The following TET1 variants were observed in gnomAD, a reference collection of about 807,000 sequenced individuals.
TET1 encodes the protein methylcytosine dioxygenase TET1.
TET1 carries 13 observed loss-of-function variants against 148.7 expected under a neutral mutation model. That is an observed-to-expected ratio of 0.09 (90% CI 0.06 to 0.14). The LOEUF is 0.14. Among genes scored for constraint, TET1 ranks in the 10% least tolerant of loss-of-function variants. TET1 has a pLI of 1.00. For synonymous variants in TET1, 907 were observed against 937.2 expected, an observed-to-expected ratio of 0.97 and a Z score of 0.59; for missense variants, 2,182 against 2,553.8, an observed-to-expected ratio of 0.85 and a Z score of 3.14.
At chr10:68,688,349 C>T (rs144429276) in intron 11 of TET1, among the ~76,000 whole-genome samples, 1,948 of 151,874 alleles carry the variant, frequency 0.013, 41 homozygotes, top group African/African-American at 0.044. Context: ...CCACCCGCCT[C>T]GGCCTCACAA....
intron 3 of TET1, among the ~76,000 whole-genome samples, chr10:68,615,251 C>A (rs1036240385): frequency 1.3e-5 from 2 of 151,832 alleles, no homozygotes; most frequent in African/African-American, 4.8e-5. Flanking sequence ...CACAGTATTC[C>A]CTTATACCCT....
At chr10:68,658,794 G>GTA (rs1322126014) in intron 6 of TET1, among the ~76,000 whole-genome samples, 3 of 152,128 alleles carry the variant, frequency 2.0e-5, no homozygotes, top group Non-Finnish European at 4.4e-5. Context: ...CTTGAACCTA[G>GTA]GAGGCAGAGG....
chr10:68,630,168 G>A (rs768014511), intron 3 of TET1, among the ~76,000 whole-genome samples: 7 of 152,206 alleles, frequency 4.6e-5, no homozygotes, highest in Admixed American at 6.6e-5. Context: ...TAAGTAGATC[G>A]ACTCTGCTGA....
At chr10:68,624,642 T>TC in intron 3 of TET1, among the ~76,000 whole-genome samples, 1 of 50,388 alleles carries the variant, frequency 2.0e-5, no homozygotes, top group African/African-American at 1.2e-4. Context: ...CTTTCTTTCT[T>TC]TCTTTCTTTC....
intron 3 of TET1, among the ~76,000 whole-genome samples, chr10:68,612,084 T>C (rs2054223996): frequency 6.6e-6 from 1 of 151,160 alleles, no homozygotes; most frequent in Middle Eastern, 3.2e-3. Flanking sequence ...CATATCTTGT[T>C]GTTGTTTTCT....
At chr10:68,661,621 C>G (rs2055116420) in intron 6 of TET1, among the ~76,000 whole-genome samples, 1 of 151,366 alleles carries the variant, frequency 6.6e-6, no homozygotes, top group African/African-American at 2.4e-5. Context: ...GGAGCTGAAA[C>G]CATAGGCACT....
chr10:68,630,511 C>T (rs2054553712), intron 3 of TET1, among the ~76,000 whole-genome samples: 1 of 152,170 alleles, frequency 6.6e-6, no homozygotes, highest in Admixed American at 6.6e-5. Context: ...GATGGGGTTT[C>T]ACCATGTTGG....
chr10:68,634,847 C>T (rs1422320107), intron 3 of TET1, among the ~76,000 whole-genome samples: 3 of 152,062 alleles, frequency 2.0e-5, no homozygotes, highest in South Asian at 2.1e-4. Flanking sequence ...CTGCATCCTC[C>T]GCCTCCCAGG....
intron 2 of TET1, among the ~76,000 whole-genome samples, chr10:68,580,300 T>G (rs2053778259): frequency 6.7e-6 from 1 of 149,544 alleles, no homozygotes; most frequent in South Asian, 2.1e-4. Flanking sequence ...CCAATGCATT[T>G]TTATTATATT....
At chr10:68,690,235 A>G (rs2055570711) in intron 11 of TET1, among the ~76,000 whole-genome samples, 1 of 152,204 alleles carries the variant, frequency 6.6e-6, no homozygotes, top group Admixed American at 6.5e-5. Context: ...ATATTTTACT[A>G]TTTCAAACAA....
At chr10:68,611,347 C>T (rs927127872) in intron 3 of TET1, among the ~76,000 whole-genome samples, 2 of 151,714 alleles carry the variant, frequency 1.3e-5, no homozygotes, top group Non-Finnish European at 2.9e-5. Context: ...TGCAGTAGCA[C>T]ACTCATGTAG....
intron 7 of TET1, among the ~76,000 whole-genome samples, chr10:68,670,688 T>C (rs1456674595): frequency 6.6e-6 from 1 of 152,190 alleles, no homozygotes; most frequent in Admixed American, 6.5e-5. Context: ...TTCTTATGTT[T>C]CTATTTGTTT....
intron 6 of TET1, among the ~76,000 whole-genome samples, chr10:68,665,705 T>C (rs1373586916): frequency 1.3e-5 from 2 of 151,996 alleles, no homozygotes; most frequent in Non-Finnish European, 2.9e-5. Flanking sequence ...TATATATATA[T>C]ATAATTTTGC....
chr10:68,611,763 G>A (rs1304615013), intron 3 of TET1, among the ~76,000 whole-genome samples: 6 of 145,464 alleles, frequency 4.1e-5, no homozygotes, highest in African/African-American at 7.7e-5. Flanking sequence ...GTAATGGTGC[G>A]ATCTCCGCTC....
chr10:68,625,984 T>C (rs2054471726), intron 3 of TET1, among the ~76,000 whole-genome samples: 1 of 150,456 alleles, frequency 6.6e-6, no homozygotes, highest in African/African-American at 2.4e-5. Context: ...CTCAGAAGGC[T>C]GAGGGGGGAG....
At chr10:68,590,236 C>A (rs1297652970) in intron 2 of TET1, among the ~76,000 whole-genome samples, 1 of 152,100 alleles carries the variant, frequency 6.6e-6, no homozygotes, top group Non-Finnish European at 1.5e-5. Context: ...TCTCAGCCTC[C>A]TGAGTAGCTG....
At position 68,666,509 on chromosome 10, in the gene TET1, C is replaced by T. The variant is rs569897154; in HGVS notation, c.4462-536C>T. Among the ~76,000 whole-genome samples, 7 of 152,222 alleles carry T rather than the reference C, an allele frequency of 4.6e-5. No individual in the cohort carries two copies. The East Asian group carries it at 1.3e-3, about 29-fold the overall frequency. ...ACTACATTAGATGGTTTTTTTCCAT[C>T]GTCTACATTTGTTCCCTTGTGACAT... is the stretch of plus-strand genomic sequence containing the variant. On this transcript the variant is annotated intron_variant, in intron 6 of 11. Coordinates refer to ENST00000373644, the MANE Select transcript of TET1 (RefSeq NM_030625.3).
intron 2 of TET1, among the ~76,000 whole-genome samples, chr10:68,595,981 T>TACATACACA (rs1159203921): frequency 2.4e-5 from 1 of 40,838 alleles, no homozygotes; most frequent in Non-Finnish European, 5.0e-5. Flanking sequence ...CACACACATA[T>TACATACACA]ATACACACAC....
intron 9 of TET1, among the ~76,000 whole-genome samples, chr10:68,682,288 T>C (rs183290507): frequency 6.6e-6 from 1 of 151,792 alleles, no homozygotes; most frequent in African/African-American, 2.4e-5. Context: ...ATTTTTGTAT[T>C]TTTAGTAGAG....
Sources: gnomAD v4.1 joint callset for allele counts (sites outside exome capture counted in the v4.1 genomes callset) on GRCh38, gnomAD v4.1.1 for gene constraint, MANE v1.5 for transcripts, NCBI Gene and HGNC (gene_info 2026-07-23, HGNC 2026-07-21) for gene names.